The following KDM3B variants were observed in gnomAD, a reference collection of about 807,000 sequenced individuals.
The protein encoded by KDM3B is lysine-specific demethylase 3B.
Under a neutral mutation model 170.0 loss-of-function variants are expected in KDM3B, and 10 were observed. The observed-to-expected ratio is 0.06, with a 90% confidence interval of 0.04 to 0.10. KDM3B has a LOEUF of 0.10. Among genes scored for constraint, KDM3B ranks in the 10% least tolerant of loss-of-function variants. KDM3B has a pLI of 1.00. For missense variants in KDM3B, 1,394 were observed against 2,195.2 expected (o/e 0.64, Z 7.29); for synonymous variants, 831 against 834.8 (o/e 1.00, Z 0.08).
At chr5:138,354,947 G>A (rs1057433880) in intron 1 of KDM3B, among the ~76,000 whole-genome samples, 1 of 152,184 alleles carries the variant, frequency 6.6e-6, no homozygotes, top group Non-Finnish European at 1.5e-5. Flanking sequence ...TCAAGAATTG[G>A]TATTTTGTTG....
At chr5:138,364,826 C>T (rs1761706204) in intron 1 of KDM3B, among the ~76,000 whole-genome samples, 1 of 152,174 alleles carries the variant, frequency 6.6e-6, no homozygotes, top group South Asian at 2.1e-4. Flanking sequence ...GATGCAAATC[C>T]ATATCTATCA....
At chr5:138,360,767 G>T (rs914067326) in intron 1 of KDM3B, among the ~76,000 whole-genome samples, 3 of 151,724 alleles carry the variant, frequency 2.0e-5, no homozygotes, top group Non-Finnish European at 4.4e-5. Flanking sequence ...AATTTTTGTA[G>T]TTTTAATAGA....
In KDM3B at chr5:138,398,386, C is replaced by G. The variant is rs759602172; in HGVS notation, c.3040C>G (p.Pro1014Ala). 1 of 1,613,708 alleles carries G rather than the reference C, an allele frequency of 6.2e-7. No homozygotes were observed. Among genetic ancestry groups the G allele is most frequent in the East Asian group, 2.2e-5 (1 of 44,868 alleles). Residue 1014 changes from proline to alanine, a missense_variant, in exon 10 of 24, where the codon CCA (proline) becomes GCA (alanine). By Grantham distance (27) the Pro-to-Ala change is conservative. Around this residue, in one of 19 missense-constraint regions of KDM3B, gnomAD observed 76 missense variants for 190.2 expected, o/e 0.40. Transcript: ENST00000314358. Reference protein sequence around the residue: ...SEKEAMMMVEPHQKVAWKRAV... With the variant: ...SEKEAMMMVEAHQKVAWKRAV... ...GAAGGAGGCCATGATGATGGTGGAG[C>G]CACACCGTAAGTCACCTTCTCACTT... is the stretch of plus-strand genomic sequence containing the variant.
At chr5:138,430,751 A>T (rs2286057) in intron 22 of KDM3B, among the ~76,000 whole-genome samples, 1 of 152,024 alleles carries the variant, frequency 6.6e-6, no homozygotes, top group Non-Finnish European at 1.5e-5. Context: ...TTAGGCAGGC[A>T]TGGTGGCACA....
rs1763366853 is a variant in KDM3B at position 138,425,287 on chromosome 5, A to T, written c.4240-124A>T. ...GAAATCCATGGATTATACAACTAGG[A>T]AAGAACAGTAGAGCTTCCTGGAGAA... On this transcript the variant is annotated intron_variant, in intron 16 of 23. Coordinates refer to ENST00000314358, the MANE Select transcript of KDM3B (RefSeq NM_016604.4). The T allele has an allele frequency of 6.4e-6, 5 of 776,032 alleles. No individual in the cohort carries two copies. The Admixed American group carries it at 1.1e-4, about 18-fold the overall frequency. 48.1% of individuals were successfully genotyped at this position (776,032 alleles called of 1,614,324 possible).
At chr5:138,370,026 G>C (rs78702109) in intron 1 of KDM3B, among the ~76,000 whole-genome samples, 1 of 152,092 alleles carries the variant, frequency 6.6e-6, no homozygotes, top group Non-Finnish European at 1.5e-5. Context: ...TCTTGGTGCC[G>C]GAGTCTGCAC....
chr5:138,360,923 T>A (rs1319520190), intron 1 of KDM3B, among the ~76,000 whole-genome samples: 1 of 152,158 alleles, frequency 6.6e-6, no homozygotes, highest in Non-Finnish European at 1.5e-5. Context: ...AGGGACTTGC[T>A]TCACTAACTC....
intron 6 of KDM3B, among the ~76,000 whole-genome samples, chr5:138,385,114 C>G (rs554778783): frequency 3.2e-4 from 48 of 152,016 alleles, no homozygotes; most frequent in African/African-American, 1.0e-3. Flanking sequence ...CTTCCCCTCC[C>G]GGGTTCAAGT....
chr5:138,396,903 A>C (rs1762561280), intron 9 of KDM3B, among the ~76,000 whole-genome samples: 1 of 152,024 alleles, frequency 6.6e-6, no homozygotes, highest in Non-Finnish European at 1.5e-5. Context: ...AAGTGTTAAA[A>C]GGCCAGGCAC....
chr5:138,385,920 A>G, intron 6 of KDM3B, 102 bp from the exon 7 acceptor site: 5 of 1,383,674 alleles, frequency 3.6e-6, no homozygotes, highest in African/African-American at 1.4e-5. Flanking sequence ...TTGGCAGTCT[A>G]TGCCTGCTTT....
At chr5:138,379,812 C>T in intron 5 of KDM3B, 104 bp downstream of exon 5, 1 of 1,120,488 alleles carries the variant, frequency 8.9e-7, no homozygotes, top group East Asian at 2.6e-5. Context: ...GGGTTTCATC[C>T]CTGGCTCTAT....
rs758097829 is a variant in KDM3B at position 138,352,867 on chromosome 5, C to T, written c.72C>T (p.Ala24=). 9.4e-6 allele frequency: 13 copies of T among 1,377,616 alleles called. No individual in the cohort carries two copies. In the Middle Eastern group the frequency reaches 1.3e-3, roughly 139 times the overall value. The allele number at this position is 1,377,616 out of a possible 1,614,324, so 85.3% of individuals were successfully genotyped here. A position where few individuals can be genotyped will look rare whatever the true frequency, so the allele number is the denominator to read the frequency against. ...TGTTCGCGGACACTGCGGCCTCAGC[C>T]TCGGCCTCGGCTCCCGCGGCGGCAG... ...LLLFADTAAS[A]SASAPAAAAA... is the part of the protein sequence containing the mutation. Residue 24 remains alanine (A), a synonymous_variant, in exon 1 of 24, where the codon GCC becomes GCT. Coordinates refer to ENST00000314358, the MANE Select transcript of KDM3B (RefSeq NM_016604.4).
chr5:138,357,073 G>A (rs1352623407), intron 1 of KDM3B, among the ~76,000 whole-genome samples: 1 of 151,834 alleles, frequency 6.6e-6, no homozygotes, highest in African/African-American at 2.4e-5. Context: ...GGGCTGGAGT[G>A]CAGGGGCATA....
chr5:138,397,939 A>G, intron 9 of KDM3B: 2 of 393,132 alleles, frequency 5.1e-6, no homozygotes, highest in South Asian at 4.5e-5. Flanking sequence ...GGTGTAGAAC[A>G]GGTGAATGGA....
intron 14 of KDM3B, 125 bp from the exon 15 acceptor site, chr5:138,420,581 G>GT: frequency 5.7e-6 from 6 of 1,053,136 alleles, no homozygotes; most frequent in South Asian, 2.9e-5. Flanking sequence ...ACCATACACA[G>GT]TTTGGGGGGT....
At chr5:138,360,380 C>T (rs1357007547) in intron 1 of KDM3B, among the ~76,000 whole-genome samples, 1 of 152,018 alleles carries the variant, frequency 6.6e-6, no homozygotes, top group African/African-American at 2.4e-5. Context: ...AGACTATATA[C>T]TGTTTAATTG....
At chr5:138,414,107 A>G (rs889993323) in intron 11 of KDM3B, among the ~76,000 whole-genome samples, 1 of 152,218 alleles carries the variant, frequency 6.6e-6, no homozygotes, top group Non-Finnish European at 1.5e-5. Flanking sequence ...AAAGAAACCC[A>G]ACACAAAGAC....
chr5:138,398,887 C>CTT lies in KDM3B; in HGVS notation c.3046+513_3046+514dup, dbSNP rs537795731. Among the ~76,000 whole-genome samples the CTT allele has an allele frequency of 6.3e-3, 759 of 120,132 alleles. 14 individuals are homozygous for CTT. The highest frequency in any genetic ancestry group is 0.01 in the Middle Eastern group (2 of 194). The allele number at this position is 120,132 out of a possible 152,430, so 78.8% of individuals were successfully genotyped here. On this transcript the variant is annotated intron_variant, in intron 10 of 23. Transcript: ENST00000314358. ...TACTGTGAAATTATATCCTAAATTTCTTTTTTTTTTTTTTTTTTTGAGACG... is the reference window on the plus strand; with the variant it reads ...TACTGTGAAATTATATCCTAAATTTCTTTTTTTTTTTTTTTTTTTTTGAGACG...
chr5:138,365,785 G>A (rs189867420), intron 1 of KDM3B, among the ~76,000 whole-genome samples: 1 of 151,854 alleles, frequency 6.6e-6, no homozygotes, highest in African/African-American at 2.4e-5. Flanking sequence ...GATCACTTGA[G>A]GTCAAGAGTT....
Sources: allele counts gnomAD v4.1 joint callset (sites outside exome capture counted in the v4.1 genomes callset), GRCh38; gene constraint gnomAD v4.1.1; regional missense constraint gnomAD v4.1.1; transcripts MANE v1.5; gene names NCBI Gene and HGNC (gene_info 2026-07-23, HGNC 2026-07-21).